Variants in ASAH2 observed in about 807,000 individuals in gnomAD.
ASAH2 encodes the protein N-acylsphingosine amidohydrolase 2.
Under a neutral mutation model 82.9 loss-of-function variants are expected in ASAH2, and 58 were observed. The observed-to-expected ratio is 0.70, with a 90% CI of 0.57 to 0.87. ASAH2 has a LOEUF of 0.87. ASAH2 is among the 40% of genes least tolerant of loss of function. ASAH2 has a pLI of 0.00. For synonymous variants in ASAH2, 276 were observed against 289.7 expected (o/e 0.95, Z 0.48); for missense variants, 779 against 834.0 (o/e 0.93, Z 0.81).
At chr10:50,217,251 G>T (rs1345527054) in intron 8 of ASAH2, among the ~76,000 whole-genome samples, 2 of 129,700 alleles carry the variant, frequency 1.5e-5, no homozygotes, top group Admixed American at 8.9e-5. Context: ...TTTTTGAGAC[G>T]GAGTCTCGCA....
chr10:50,203,559 A>G, intron 15 of ASAH2, 81 bp downstream of exon 15: 1 of 592,426 alleles, frequency 1.7e-6, no homozygotes, highest in Non-Finnish European at 2.8e-6. Flanking sequence ...GGAACTCTAG[A>G]TATAGGATCA....
rs1368962999 is a variant in ASAH2 at position 50,196,268 on chromosome 10, T to C, written c.2004+505A>G. Among the ~76,000 whole-genome samples the C allele has an allele frequency of 3.3e-3, 495 of 152,010 alleles. 1 individual carries two copies. The highest frequency in any genetic ancestry group is 0.011 in the African/African-American group (471 of 41,472). On this transcript the variant is annotated intron_variant, in intron 18 of 20. Transcript: ENST00000682911. ...ATAAGGATAAATAATTAGGTGCATTTAGAAAAGAAATATAGAAAGGAATAA... is the reference window on the plus strand; with the variant it reads ...ATAAGGATAAATAATTAGGTGCATTCAGAAAAGAAATATAGAAAGGAATAA...
Position 50,229,797 on chromosome 10 carries a change from T to C in ASAH2, c.893+3387A>G, listed in dbSNP as rs939749701. Among the ~76,000 whole-genome samples, 17 of 152,334 alleles carry C rather than the reference T, an allele frequency of 1.1e-4. No homozygotes were observed. The East Asian group carries it at 2.3e-3, about 21-fold the overall frequency. ...TACTCCAGTTTCCAGCTCCCATTGCTGTCACTTCCTCAGGGAAACCTTTCC... is the reference window on the plus strand; with the variant it reads ...TACTCCAGTTTCCAGCTCCCATTGCCGTCACTTCCTCAGGGAAACCTTTCC... On this transcript the variant is annotated intron_variant, in intron 7 of 20. Coordinates refer to ENST00000682911, the MANE Select transcript of ASAH2 (RefSeq NM_019893.4).
Position 50,205,975 on chromosome 10 carries a change from G to A in ASAH2, c.1530+7C>T, listed in dbSNP as rs1845283355. ...CTAATTTCACTATGATAACGAAAAT[G>A]CATTACTTCTCCGGTGTGAAGAAGG... On this transcript the variant is annotated splice_region_variant and intron_variant, in intron 13 of 20. Transcript: ENST00000682911. 5 of 1,590,342 alleles carry A rather than the reference G, an allele frequency of 3.1e-6. No homozygotes were observed. Among genetic ancestry groups the A allele is most frequent in the Non-Finnish European group, 3.5e-6 (4 of 1,158,834 alleles).
chr10:50,204,964 C>A lies in ASAH2; in HGVS notation c.1531-9G>T. The A allele has an allele frequency of 6.3e-7, 1 of 1,587,060 alleles. No individual in the cohort carries two copies. Among genetic ancestry groups the A allele is most frequent in the Non-Finnish European group, 8.6e-7 (1 of 1,163,032 alleles). On this transcript the variant is annotated splice_polypyrimidine_tract_variant and intron_variant, in intron 13 of 20. Transcript: ENST00000682911. ...GGGTGAGGTTTTGATAGCTGAGAAC[C>A]CAAAACAAGAAAATTATGTTAGGGA...
At position 50,240,629 on chromosome 10, in the gene ASAH2, A is replaced by G. The variant is rs920120217; in HGVS notation, c.510+2573T>C. 30 of 701,856 alleles carry G rather than the reference A, an allele frequency of 4.3e-5. No individual in the cohort carries two copies. In the African/African-American group the frequency reaches 4.7e-4, roughly 11 times the overall value. The allele number at this position is 701,856 out of a possible 1,614,324, so 43.5% of individuals were successfully genotyped here. A position where few individuals can be genotyped will look rare whatever the true frequency, so the allele number is the denominator to read the frequency against. On this transcript the variant is annotated intron_variant, in intron 4 of 20. Transcript: ENST00000682911. ...AACATATCTTCCAGATACATCTCCA[A>G]CTACATGCCTCCATATGTCCTAATA...
rs1845068577 is a variant in ASAH2, at chr10:50,199,051, C to T, written c.1857G>A (p.Thr619=). The T allele has an allele frequency of 1.1e-5, 18 of 1,612,900 alleles. No individual in the cohort carries two copies. In the South Asian group the frequency reaches 1.4e-4, roughly 13 times the overall value. ...LFRNLAKAIA[T]DTVANLSRGP... is the part of the protein sequence containing the mutation. ...GCACGCACAAACAATATTTGATTAC[C>T]GTAGCAATAGCCTTAGCAAGGTTTC... The change falls in exon 17 of 21, where the codon ACG becomes ACA. Residue 619 remains threonine, a splice_region_variant and synonymous_variant. Coordinates refer to ENST00000682911, the MANE Select transcript of ASAH2 (RefSeq NM_019893.4).
intron 10 of ASAH2, among the ~76,000 whole-genome samples, chr10:50,212,182 A>AACACACACACACACACACAC (rs3837301): frequency 6.8e-6 from 1 of 146,922 alleles, no homozygotes; most frequent in African/African-American, 2.5e-5. Context: ...AAACTATTTA[A>AACACACACACACACACACAC]ACACACACAC....
chr10:50,203,058 C>G (rs1845198767), intron 15 of ASAH2, 134 bp from the exon 16 acceptor site: 1 of 688,742 alleles, frequency 1.5e-6, no homozygotes, highest in Non-Finnish European at 2.6e-6. Context: ...TTTTCTAACT[C>G]TGCACTACAG....
At chr10:50,230,884 T>G (rs1412059836) in intron 7 of ASAH2, among the ~76,000 whole-genome samples, 3 of 151,402 alleles carry the variant, frequency 2.0e-5, no homozygotes, top group Admixed American at 6.6e-5. Flanking sequence ...TACAAAAAAT[T>G]TTAAAAAATA....
In ASAH2 at chr10:50,242,985, G is replaced by A. The variant is rs115276074; in HGVS notation, c.510+217C>T. Among the ~76,000 whole-genome samples, 142 of 152,306 alleles carry A rather than the reference G, an allele frequency of 9.3e-4. 1 individual carries two copies. Among genetic ancestry groups the A allele is most frequent in the African/African-American group, 3.3e-3 (139 of 41,562 alleles). ...TAATAATGATGATGAGTCATCAGCA[G>A]AAGTGAAAGCAAATTTTGACCAAGA... On this transcript the variant is annotated intron_variant, in intron 4 of 20. Transcript: ENST00000682911.
intron 7 of ASAH2, among the ~76,000 whole-genome samples, chr10:50,225,569 T>A (rs1170381971): frequency 1.3e-5 from 2 of 152,194 alleles, no homozygotes; most frequent in African/African-American, 2.4e-5. Context: ...TTGACTTTTT[T>A]AAGCCTGTTA....
intron 18 of ASAH2, among the ~76,000 whole-genome samples, chr10:50,196,138 T>G (rs1262473034): frequency 2.6e-5 from 4 of 151,798 alleles, no homozygotes; most frequent in African/African-American, 7.2e-5. Context: ...TTTCAAAACA[T>G]CATCTTGTAC....
intron 4 of ASAH2, among the ~76,000 whole-genome samples, chr10:50,236,885 A>G (rs1268795703): frequency 6.6e-6 from 1 of 152,206 alleles, no homozygotes; most frequent in Non-Finnish European, 1.5e-5. Context: ...TAAGCAAAAG[A>G]ATATATGAGG....
At chr10:50,229,168 C>T (rs1433443922) in intron 7 of ASAH2, among the ~76,000 whole-genome samples, 3 of 152,026 alleles carry the variant, frequency 2.0e-5, no homozygotes, top group Admixed American at 6.6e-5. Flanking sequence ...TTATTGCATC[C>T]GAGACTCTCA....
chr10:50,241,266 T>C (rs562256623), intron 4 of ASAH2, among the ~76,000 whole-genome samples: 54 of 152,184 alleles, frequency 3.5e-4, no homozygotes, highest in African/African-American at 1.2e-3. Flanking sequence ...AAATCATAAG[T>C]GTTTGTTGTT....
chr10:50,248,403 T>G, intron 2 of ASAH2, 81 bp downstream of exon 2: 1 of 1,528,432 alleles, frequency 6.5e-7, no homozygotes, highest in African/African-American at 1.4e-5. Context: ...GCAGACACTG[T>G]TTTTCTCTTT....
chr10:50,231,277 C>T (rs1846016325), intron 7 of ASAH2, among the ~76,000 whole-genome samples: 2 of 151,984 alleles, frequency 1.3e-5, no homozygotes, highest in Admixed American at 1.3e-4. Flanking sequence ...TCCAGTCCAC[C>T]TTTTACCAAT....
intron 4 of ASAH2, 85 bp from the exon 5 acceptor site, chr10:50,236,149 G>A: frequency 8.7e-7 from 1 of 1,153,926 alleles, no homozygotes; most frequent in Non-Finnish European, 1.3e-6. Flanking sequence ...TTCAATCACT[G>A]ATCCATACCA....
Sources: gnomAD v4.1 joint callset for allele counts (sites outside exome capture counted in the v4.1 genomes callset) on GRCh38, gnomAD v4.1.1 for gene constraint, MANE v1.5 for transcripts, NCBI Gene and HGNC (gene_info 2026-07-23, HGNC 2026-07-21) for gene names.